Variants in CFAP263 observed in about 807,000 individuals in gnomAD.
The protein encoded by CFAP263 is cilia- and flagella-associated protein 263.
At chr16:58,250,074 G>A in the CFAP263 span, 3 of 1,597,944 alleles carry the variant, frequency 1.9e-6, no homozygotes, top group Admixed American at 1.7e-5. Flanking sequence ...CGGAGCTGGA[G>A]CTGCCTGTTA....
chr16:58,280,722 C>A, the CFAP263 span: 970 of 1,610,146 alleles, frequency 6.0e-4, 13 homozygotes, highest in South Asian at 0.01. Flanking sequence ...GATCGAACTG[C>A]TGTAGCTGGC....
the CFAP263 span, chr16:58,280,896 T>C: frequency 1.3e-6 from 1 of 763,908 alleles, no homozygotes; most frequent in Non-Finnish European, 2.0e-6. Flanking sequence ...TAGGATACAA[T>C]TTCAAATCTA....
the CFAP263 span, among the ~76,000 whole-genome samples, chr16:58,262,217 C>T: frequency 6.6e-6 from 1 of 152,072 alleles, no homozygotes; most frequent in Admixed American, 6.6e-5. Context: ...ATCTCTACAC[C>T]CAGTGCCTAA....
At chr16:58,266,417 T>A in the CFAP263 span, among the ~76,000 whole-genome samples, 165 of 124,434 alleles carry the variant, frequency 1.3e-3, no homozygotes, top group Admixed American at 2.3e-3. Context: ...TTTTTTTTTT[T>A]TTTTTTTTTT....
the CFAP263 span, among the ~76,000 whole-genome samples, chr16:58,275,182 G>A: frequency 6.6e-6 from 1 of 152,084 alleles, no homozygotes; most frequent in Non-Finnish European, 1.5e-5. Context: ...GTTTTATAGT[G>A]TATTGAAACA....
At chr16:58,252,866 G>A in the CFAP263 span, 1 of 1,612,806 alleles carries the variant, frequency 6.2e-7, no homozygotes, top group Non-Finnish European at 8.5e-7. Context: ...ACACAATGGA[G>A]ATCTAGATCA....
chr16:58,283,709 C>T, the CFAP263 span: 2 of 152,248 alleles, frequency 1.3e-5, no homozygotes, highest in African/African-American at 4.8e-5. Context: ...TTAAGATCCC[C>T]CACCTGGCAG....
the CFAP263 span, chr16:58,249,972 C>T: frequency 3.7e-6 from 5 of 1,350,760 alleles, no homozygotes; most frequent in Non-Finnish European, 4.2e-6. Flanking sequence ...GCACCCGGAG[C>T]TCCTGGGCAC....
At chr16:58,250,748 G>T in the CFAP263 span, among the ~76,000 whole-genome samples, 1 of 140,116 alleles carries the variant, frequency 7.1e-6, no homozygotes, top group Non-Finnish European at 1.5e-5. Flanking sequence ...CTGGGCAACA[G>T]AGAGGGACTA....
the CFAP263 span, among the ~76,000 whole-genome samples, chr16:58,265,850 G>A: frequency 1.4e-4 from 22 of 152,220 alleles, no homozygotes; most frequent in East Asian, 5.8e-4. Context: ...TACCTGCCCC[G>A]GCAGAGCCAG....
At chr16:58,278,958 CT>C in the CFAP263 span, among the ~76,000 whole-genome samples, 2 of 152,106 alleles carry the variant, frequency 1.3e-5, 1 homozygote, top group South Asian at 4.2e-4. Flanking sequence ...GTGATTGCTA[CT>C]TTATACATGG....
At chr16:58,255,872 G>A in the CFAP263 span, among the ~76,000 whole-genome samples, 1 of 152,168 alleles carries the variant, frequency 6.6e-6, no homozygotes, top group Non-Finnish European at 1.5e-5. Flanking sequence ...CCCTAGGTCA[G>A]CATTTCTATA....
chr16:58,267,790 G>T, the CFAP263 span, among the ~76,000 whole-genome samples: 1 of 152,020 alleles, frequency 6.6e-6, no homozygotes, highest in African/African-American at 2.4e-5. Flanking sequence ...TTTACTGCTG[G>T]GTTGGGTTCT....
the CFAP263 span, chr16:58,254,235 G>A: frequency 1.3e-6 from 2 of 1,487,974 alleles, no homozygotes. Flanking sequence ...TCTAGAGTGG[G>A]TTCATGTGAT....
the CFAP263 span, chr16:58,281,329 G>A: frequency 6.4e-6 from 1 of 157,294 alleles, no homozygotes; most frequent in Non-Finnish European, 1.4e-5. Flanking sequence ...CCTGGCAAGT[G>A]ACCAAATCCT....
the CFAP263 span, among the ~76,000 whole-genome samples, chr16:58,251,366 C>T: frequency 6.6e-6 from 1 of 152,138 alleles, no homozygotes; most frequent in Non-Finnish European, 1.5e-5. Context: ...GTTTTCCATT[C>T]AGCTTTTTCC....
At chr16:58,282,656 G>C in the CFAP263 span, 1 of 152,266 alleles carries the variant, frequency 6.6e-6, no homozygotes, top group African/African-American at 2.4e-5. Flanking sequence ...GGATGGAAGG[G>C]GGTGCTTTAG....
chr16:58,257,459 G>A, the CFAP263 span, among the ~76,000 whole-genome samples: 18 of 151,660 alleles, frequency 1.2e-4, no homozygotes, highest in East Asian at 1.2e-3. Flanking sequence ...GCCTCACTGC[G>A]TTGCTCAGGC....
the CFAP263 span, chr16:58,267,436 G>C: frequency 2.2e-6 from 3 of 1,344,622 alleles, no homozygotes; most frequent in African/African-American, 4.3e-5. Flanking sequence ...GCGGTTCTGA[G>C]AGGTCATCTT....
Sources: allele counts gnomAD v4.1 joint callset (sites outside exome capture counted in the v4.1 genomes callset), GRCh38; gene constraint gnomAD v4.1.1; transcripts MANE v1.5; gene names NCBI Gene and HGNC (gene_info 2026-07-23, HGNC 2026-07-21).